TRAF3IP1: variants seen among roughly 807,000 people sequenced by gnomAD.
The protein encoded by TRAF3IP1 is intraflagellar transport 54.
In TRAF3IP1, 53 loss-of-function variants were observed where a neutral mutation model predicts 89.9. The ratio of observed to expected loss-of-function variants is 0.59; its 90% confidence interval spans 0.47 to 0.74. The LOEUF is 0.74. TRAF3IP1 is among the 30% of genes least tolerant of loss of function. The pLI is 0.00. For missense variants in TRAF3IP1, 806 were observed against 866.1 expected (o/e 0.93, Z 0.87); for synonymous variants, 311 against 322.1 (o/e 0.97, Z 0.37).
Position 238,379,789 on chromosome 2 carries a change from T to C in TRAF3IP1, c.1690-17670T>C, listed in dbSNP as rs1167108070. On this transcript the variant is annotated intron_variant, in intron 15 of 16. Coordinates refer to ENST00000373327, the MANE Select transcript of TRAF3IP1 (RefSeq NM_015650.4). The surrounding 1 kb of genome is among the most constrained non-coding windows in gnomAD (Gnocchi z 4.0). The stretch of plus-strand genomic sequence containing the variant: ...AAGGCAAAATGTGTAATAATAACAC[T>C]GGAGCCAGAATGATAAGGAAATACT... Among the ~76,000 whole-genome samples, 1 of 152,218 alleles carries C rather than the reference T, an allele frequency of 6.6e-6. No individual in the cohort carries two copies.
intron 15 of TRAF3IP1, among the ~76,000 whole-genome samples, chr2:238,385,055 C>T (rs1160221506): frequency 6.6e-6 from 1 of 151,692 alleles, no homozygotes; most frequent in African/African-American, 2.4e-5. Flanking sequence ...TCGCTCTGTC[C>T]CCCAGGCTGG....
intron 15 of TRAF3IP1, among the ~76,000 whole-genome samples, chr2:238,357,326 A>G (rs1488375852): frequency 6.6e-6 from 1 of 152,222 alleles, no homozygotes. Context: ...TCTTTTAAAC[A>G]GAAGTTTCTT....
intron 8 of TRAF3IP1, among the ~76,000 whole-genome samples, chr2:238,339,139 G>C (rs1292669366): frequency 6.6e-6 from 1 of 152,210 alleles, no homozygotes; most frequent in Non-Finnish European, 1.5e-5. Flanking sequence ...AGCGTAGCTG[G>C]AATACCGATC....
chr2:238,323,441 G>A (rs1697661943), intron 1 of TRAF3IP1, among the ~76,000 whole-genome samples: 1 of 152,302 alleles, frequency 6.6e-6, no homozygotes, highest in East Asian at 1.9e-4. Context: ...AAATGAAAAT[G>A]TTCCAGGAAT....
At chr2:238,378,011 GT>G (rs1388573309) in intron 15 of TRAF3IP1, among the ~76,000 whole-genome samples, 12 of 151,868 alleles carry the variant, frequency 7.9e-5, no homozygotes, top group Non-Finnish European at 1.6e-4. Flanking sequence ...GTTTAGTTTA[GT>G]TTTTGTTTGT....
intron 8 of TRAF3IP1, among the ~76,000 whole-genome samples, chr2:238,339,856 A>G (rs946296832): frequency 1.3e-5 from 2 of 152,268 alleles, no homozygotes; most frequent in Non-Finnish European, 2.9e-5. Context: ...AATTGAAATC[A>G]TTCTCCAGAC....
chr2:238,384,378 ATG>A lies in TRAF3IP1; in HGVS notation c.1690-13079_1690-13078del, dbSNP rs1384108548. Among the ~76,000 whole-genome samples, 566 of 86,006 alleles carry A rather than the reference ATG, an allele frequency of 6.6e-3. 2 individuals carry two copies. Among genetic ancestry groups the A allele is most frequent in the African/African-American group, 0.02 (495 of 24,860 alleles). 56.4% of individuals were successfully genotyped at this position (86,006 alleles called of 152,430 possible). The stretch of plus-strand genomic sequence containing the variant: ...TATGTATGTATGTATGTATGTATGT[ATG>A]TATATATATATATATGGAGTCTTGC... On this transcript the variant is annotated intron_variant, in intron 15 of 16. Coordinates refer to ENST00000373327, the MANE Select transcript of TRAF3IP1 (RefSeq NM_015650.4).
intron 8 of TRAF3IP1, 70 bp from the exon 9 acceptor site, chr2:238,344,427 A>C: frequency 8.2e-7 from 1 of 1,219,902 alleles, no homozygotes; most frequent in South Asian, 1.3e-5. Flanking sequence ...GCTCTATGTT[A>C]ATGAAGCCGC....
At chr2:238,331,865 C>T (rs375082434) in intron 5 of TRAF3IP1, among the ~76,000 whole-genome samples, 3 of 152,228 alleles carry the variant, frequency 2.0e-5, no homozygotes, top group Non-Finnish European at 4.4e-5. Flanking sequence ...CCGGTTCTGC[C>T]TCAGTCATTC....
intron 5 of TRAF3IP1, among the ~76,000 whole-genome samples, chr2:238,332,597 T>C (rs1318590325): frequency 6.6e-6 from 1 of 152,196 alleles, no homozygotes. Flanking sequence ...CTTGCCCACC[T>C]ACTCTGCCCT....
intron 15 of TRAF3IP1, among the ~76,000 whole-genome samples, chr2:238,359,320 T>G (rs1449274489): frequency 1.3e-5 from 2 of 152,226 alleles, no homozygotes; most frequent in African/African-American, 4.8e-5. Context: ...CAGTGTCATG[T>G]GCCCTTGGTG....
Position 238,400,078 on chromosome 2 carries a change from G to C in TRAF3IP1, c.*1159G>C, listed in dbSNP as rs187073801. The C allele has an allele frequency of 2.0e-4, 30 of 151,404 alleles. No individual in the cohort carries two copies. Among genetic ancestry groups the C allele is most frequent in the African/African-American group, 6.8e-4 (28 of 41,316 alleles). The allele number at this position is 151,404 out of a possible 1,614,324, so 9.4% of individuals were successfully genotyped here. A position where few individuals can be genotyped will look rare whatever the true frequency, so the allele number is the denominator to read the frequency against. On this transcript the variant is annotated 3_prime_UTR_variant, in exon 17 of 17. Transcript: ENST00000373327. ...GCCATTTAAAGTGTGAGGATTGCCT[G>C]AAAAGGTTTTGTTTCTTTCTTTTTT...
chr2:238,386,239 A>G (rs1700761919), intron 15 of TRAF3IP1, among the ~76,000 whole-genome samples: 1 of 152,214 alleles, frequency 6.6e-6, no homozygotes. Context: ...AGTGGCTTCT[A>G]GGTAAAACTG....
intron 15 of TRAF3IP1, among the ~76,000 whole-genome samples, chr2:238,378,612 T>TGA (rs142416383): frequency 2.4e-4 from 36 of 149,952 alleles, no homozygotes; most frequent in South Asian, 1.5e-3. Flanking sequence ...GCCTGGAGTT[T>TGA]GAGAGAGAGA....
At chr2:238,343,424 C>T (rs940650668) in intron 8 of TRAF3IP1, among the ~76,000 whole-genome samples, 6 of 152,014 alleles carry the variant, frequency 3.9e-5, no homozygotes, top group Admixed American at 2.0e-4. Context: ...CTCTTACATG[C>T]AGGCTGGAGA....
At chr2:238,397,414 G>T (rs1701276020) in intron 15 of TRAF3IP1, 45 bp from the exon 16 acceptor site, 1 of 1,582,150 alleles carries the variant, frequency 6.3e-7, no homozygotes, top group Non-Finnish European at 8.7e-7. Flanking sequence ...TTCTGCCTTT[G>T]GACTGAGGAG....
chr2:238,333,923 A>G (rs769273081), intron 6 of TRAF3IP1, 37 bp from the exon 7 acceptor site: 15 of 1,514,930 alleles, frequency 9.9e-6, no homozygotes, highest in Middle Eastern at 1.7e-4. Context: ...GCTGTGTAAT[A>G]CATCAATTAA....
chr2:238,387,192 G>A (rs929314153), intron 15 of TRAF3IP1, among the ~76,000 whole-genome samples: 2 of 152,190 alleles, frequency 1.3e-5, no homozygotes, highest in African/African-American at 4.8e-5. Context: ...GTTGGGCCCC[G>A]GTCTGGGCAG....
intron 8 of TRAF3IP1, among the ~76,000 whole-genome samples, chr2:238,340,860 C>T (rs11904658): frequency 6.9e-6 from 1 of 143,898 alleles, no homozygotes. Flanking sequence ...GAGAGAGAGA[C>T]AGAGAGACAG....
Sources: gnomAD v4.1 joint callset for allele counts (sites outside exome capture counted in the v4.1 genomes callset) on GRCh38, gnomAD v4.1.1 for gene constraint, Gnocchi (gnomAD v3.1) non-coding constraint, MANE v1.5 for transcripts, NCBI Gene and HGNC (gene_info 2026-07-23, HGNC 2026-07-21) for gene names.